Variants in PRORP observed in about 807,000 individuals in gnomAD.
PRORP encodes protein only RNase P catalytic subunit, also known as mitochondrial ribonuclease P catalytic subunit.
PRORP carries 51 observed loss-of-function variants against 59.4 expected under a neutral mutation model. The observed-to-expected ratio is 0.86, with a 90% CI of 0.69 to 1.08. The LOEUF (loss-of-function observed/expected upper bound fraction) is 1.08. Among genes scored for constraint, PRORP ranks in the 50% least tolerant of loss-of-function variants. The pLI, the probability that PRORP is intolerant of heterozygous loss-of-function variation, is 0.00. For missense variants in PRORP, 646 were observed against 690.3 expected (o/e 0.94, Z 0.72); for synonymous variants, 231 against 245.6 (o/e 0.94, Z 0.55).
At chr14:35,151,421 C>A (rs1357422984) in intron 4 of PRORP, among the ~76,000 whole-genome samples, 2 of 152,028 alleles carry the variant, frequency 1.3e-5, no homozygotes, top group Non-Finnish European at 2.9e-5. Context: ...CCTCTGATCA[C>A]CACTGAACCA....
At chr14:35,156,797 A>G (rs2047923571) in intron 4 of PRORP, among the ~76,000 whole-genome samples, 1 of 152,228 alleles carries the variant, frequency 6.6e-6, no homozygotes, top group Admixed American at 6.5e-5. Context: ...GTCCCCAGAT[A>G]CAATGTCAGT....
chr14:35,231,355 A>T (rs549906165), intron 5 of PRORP, among the ~76,000 whole-genome samples: 1 of 152,246 alleles, frequency 6.6e-6, no homozygotes, highest in South Asian at 2.1e-4. Context: ...TTTATTTTTC[A>T]CGCTTCTCAA....
At chr14:35,177,710 A>AT (rs1343761688) in intron 4 of PRORP, among the ~76,000 whole-genome samples, 1 of 151,712 alleles carries the variant, frequency 6.6e-6, no homozygotes, top group Non-Finnish European at 1.5e-5. Context: ...AGATTCATTG[A>AT]TTTTTTTGAA....
rs142648415 is a variant in PRORP, at chr14:35,225,287, A to G, written c.1276-41440A>G. ...AAGGAAGCCCCAAGAAACTAAATCA[A>G]TAAACAAAAAGCTAAGAATTCTGTT... On this transcript the variant is annotated intron_variant, in intron 5 of 7. Transcript: ENST00000534898. Among the ~76,000 whole-genome samples, 140 of 152,328 alleles carry G rather than the reference A, an allele frequency of 9.2e-4. 1 individual carries two copies. Among genetic ancestry groups the G allele is most frequent in the Non-Finnish European group, 1.3e-3 (86 of 68,024 alleles).
chr14:35,266,317 CA>C (rs35672758), intron 5 of PRORP, among the ~76,000 whole-genome samples: 53,175 of 126,304 alleles, frequency 0.42, 10,739 homozygotes, highest in East Asian at 0.69. Context: ...AACTCTGTCT[CA>C]AAAAAAAAAA....
intron 5 of PRORP, among the ~76,000 whole-genome samples, chr14:35,260,048 G>T (rs2050865118): frequency 9.5e-6 from 1 of 104,968 alleles, no homozygotes; most frequent in Non-Finnish European, 1.7e-5. Context: ...GTTTCACTCT[G>T]TTGCGCAGGC....
At chr14:35,156,829 C>T (rs1454752981) in intron 4 of PRORP, among the ~76,000 whole-genome samples, 1 of 152,128 alleles carries the variant, frequency 6.6e-6, no homozygotes. Flanking sequence ...AGAACTTATT[C>T]GCAGAGTAGA....
intron 5 of PRORP, among the ~76,000 whole-genome samples, chr14:35,234,454 C>T (rs182495054): frequency 2.2e-3 from 340 of 152,294 alleles, no homozygotes; most frequent in Middle Eastern, 6.8e-3. Flanking sequence ...TGTCCATGTT[C>T]AGCCTCTTAA....
intron 5 of PRORP, among the ~76,000 whole-genome samples, chr14:35,188,299 T>C (rs950404013): frequency 2.6e-5 from 4 of 151,324 alleles, no homozygotes; most frequent in Non-Finnish European, 5.9e-5. Context: ...CAAGCGATTC[T>C]CCTGCCTTAG....
chr14:35,245,375 G>A (rs2050458421), intron 5 of PRORP, among the ~76,000 whole-genome samples: 1 of 152,168 alleles, frequency 6.6e-6, no homozygotes, highest in Non-Finnish European at 1.5e-5. Flanking sequence ...ATGCACAGTG[G>A]CTCACGCCTC....
chr14:35,180,526 C>CTGTGTGTGTGTGTGTGTGTGTG lies in PRORP; in HGVS notation c.1168-140_1168-119dup, dbSNP rs3058430. 4,887 of 536,406 alleles carry CTGTGTGTGTGTGTGTGTGTGTG rather than the reference C, an allele frequency of 9.1e-3. 18 individuals carry two copies. The highest frequency in any genetic ancestry group is 0.017 in the South Asian group (715 of 42,880). The allele number at this position is 536,406 out of a possible 1,614,324, so 33.2% of individuals were successfully genotyped here. On this transcript the variant is annotated intron_variant, in intron 4 of 7. Transcript: ENST00000534898. ...TTTTCAGATTTCATTTGTAGAGTAT[C>CTGTGTGTGTGTGTGTGTGTGTG]TGTGTGTGTGTGTGTGTGTGTGTGT...
chr14:35,169,635 G>A (rs1289440245), intron 4 of PRORP, among the ~76,000 whole-genome samples: 6 of 152,098 alleles, frequency 3.9e-5, no homozygotes, highest in African/African-American at 7.2e-5. Flanking sequence ...TCACTATCAC[G>A]AGAACAGCAT....
intron 5 of PRORP, among the ~76,000 whole-genome samples, chr14:35,236,227 C>T (rs940279252): frequency 3.3e-5 from 5 of 151,992 alleles, no homozygotes; most frequent in South Asian, 4.2e-4. Context: ...TGTTCTTTCC[C>T]GTGTAACACA....
At chr14:35,220,846 C>T (rs963675020) in intron 5 of PRORP, among the ~76,000 whole-genome samples, 1 of 152,054 alleles carries the variant, frequency 6.6e-6, no homozygotes, top group Non-Finnish European at 1.5e-5. Context: ...TACTAGAATC[C>T]ATGTCATCTA....
chr14:35,143,717 G>A (rs1236685225), intron 4 of PRORP, among the ~76,000 whole-genome samples: 1 of 144,174 alleles, frequency 6.9e-6, no homozygotes, highest in African/African-American at 2.5e-5. Flanking sequence ...GCGCGATCTC[G>A]GCTCACCGCA....
At chr14:35,196,132 T>A (rs1404843408) in intron 5 of PRORP, among the ~76,000 whole-genome samples, 1 of 152,206 alleles carries the variant, frequency 6.6e-6, no homozygotes, top group African/African-American at 2.4e-5. Context: ...ATAGAAATTA[T>A]AAACTTGGGC....
chr14:35,260,736 G>A (rs924911145), intron 5 of PRORP, among the ~76,000 whole-genome samples: 5 of 152,252 alleles, frequency 3.3e-5, no homozygotes, highest in East Asian at 1.9e-4. Flanking sequence ...TCTTGCTTTC[G>A]CACCACCATA....
intron 4 of PRORP, among the ~76,000 whole-genome samples, chr14:35,169,409 C>T (rs944295672): frequency 3.3e-5 from 5 of 152,088 alleles, no homozygotes; most frequent in African/African-American, 4.8e-5. Flanking sequence ...AGTCTATTCT[C>T]ACACTGCTAT....
At chr14:35,223,342 AC>A (rs1166536357) in intron 5 of PRORP, among the ~76,000 whole-genome samples, 2 of 151,788 alleles carry the variant, frequency 1.3e-5, no homozygotes, top group Non-Finnish European at 2.9e-5. Context: ...GGAAATCATC[AC>A]TATATCAACC....
Sources: gnomAD v4.1 joint callset for allele counts (sites outside exome capture counted in the v4.1 genomes callset) on GRCh38, gnomAD v4.1.1 for gene constraint, MANE v1.5 for transcripts, NCBI Gene and HGNC (gene_info 2026-07-23, HGNC 2026-07-21) for gene names.